The following SEC22A variants were observed in gnomAD, a reference collection of about 807,000 sequenced individuals.
SEC22A encodes the protein vesicle-trafficking protein SEC22a.
SEC22A carries 22 observed loss-of-function variants against 35.3 expected under a neutral mutation model. The observed-to-expected ratio is 0.62, with a 90% CI of 0.45 to 0.89. The LOEUF (loss-of-function observed/expected upper bound fraction) is 0.89, where lower values mean the gene tolerates loss of function less well. Among genes scored for constraint, SEC22A ranks in the 40% least tolerant of loss-of-function variants. The pLI is 0.00. For missense variants in SEC22A, 354 were observed against 362.5 expected (o/e 0.98, Z 0.19); for synonymous variants, 119 against 129.5 (o/e 0.92, Z 0.55).
rs562964362 is a variant in SEC22A at position 123,271,653 on chromosome 3, G to A, written c.855G>A (p.Val285=). ...GGCAGCTTTTCTTTCATGTGACTGT[G>A]GGAGCATTTGTTACACTACAGATCT... The part of the protein sequence containing the change: ...NLWQLFFHVT[V]GAFVTLQIWL... Residue 285 remains valine (V), a synonymous_variant, in exon 7 of 7, where the codon GTG becomes GTA. Transcript: ENST00000492595. 55 of 1,614,160 alleles carry A rather than the reference G, an allele frequency of 3.4e-5. No individual in the cohort carries two copies. In the South Asian group the frequency reaches 5.8e-4, roughly 17 times the overall value.
chr3:123,213,128 T>C, intron 2 of SEC22A, among the ~76,000 whole-genome samples: 1 of 152,234 alleles, frequency 6.6e-6, no homozygotes, highest in East Asian at 1.9e-4. Flanking sequence ...CATGTTTTTT[T>C]GTACCAAACC....
intron 2 of SEC22A, among the ~76,000 whole-genome samples, chr3:123,215,255 T>C (rs1937000867): frequency 6.6e-6 from 1 of 152,184 alleles, no homozygotes; most frequent in Admixed American, 6.5e-5. Flanking sequence ...ACAGATGTTA[T>C]CAGGAATCTT....
At chr3:123,238,030 T>G (rs1006348803) in intron 4 of SEC22A, among the ~76,000 whole-genome samples, 4 of 152,012 alleles carry the variant, frequency 2.6e-5, no homozygotes, top group African/African-American at 9.7e-5. Context: ...GGCACGTGAC[T>G]GTAGTCCCAG....
At chr3:123,253,198 C>T (rs559707377) in intron 5 of SEC22A, among the ~76,000 whole-genome samples, 2 of 152,276 alleles carry the variant, frequency 1.3e-5, no homozygotes, top group Non-Finnish European at 2.9e-5. Context: ...TGTGACCCTG[C>T]ATGGGTTATT....
chr3:123,221,498 T>G (rs867772602), intron 2 of SEC22A, among the ~76,000 whole-genome samples: 30 of 145,440 alleles, frequency 2.1e-4, no homozygotes, highest in African/African-American at 7.6e-4. Flanking sequence ...AAAAAAAGAT[T>G]ACTGTGTAGT....
chr3:123,251,711 A>T (rs1937616094), intron 5 of SEC22A, among the ~76,000 whole-genome samples: 1 of 151,796 alleles, frequency 6.6e-6, no homozygotes. Context: ...CTCTCACCTA[A>T]ATGAAAATCA....
chr3:123,268,163 G>A (rs953368028), intron 6 of SEC22A, among the ~76,000 whole-genome samples: 3 of 152,170 alleles, frequency 2.0e-5, no homozygotes, highest in African/African-American at 7.2e-5. Context: ...GTGGGTATGG[G>A]TGGGTCACAG....
chr3:123,246,677 A>T (rs1022911469), intron 5 of SEC22A, among the ~76,000 whole-genome samples: 2 of 151,680 alleles, frequency 1.3e-5, no homozygotes, highest in African/African-American at 2.4e-5. Flanking sequence ...ACTTTTTGAA[A>T]TTTTTTTTTA....
rs1938201408 is a variant in SEC22A, at chr3:123,272,771, T to C, written c.*1049T>C. The C allele has an allele frequency of 6.5e-6, 1 of 153,792 alleles. No homozygotes were observed. The highest frequency in any genetic ancestry group is 2.1e-4 in the South Asian group (1 of 4,834). 9.5% of individuals were successfully genotyped at this position (153,792 alleles called of 1,614,324 possible). On this transcript the variant is annotated 3_prime_UTR_variant, in exon 7 of 7. Transcript: ENST00000492595. ...TGACATTCTCACTGTGATTCAGCATTATTCTATGTTGTGCATCACTTAAAG... is the reference window on the plus strand; with the variant it reads ...TGACATTCTCACTGTGATTCAGCATCATTCTATGTTGTGCATCACTTAAAG...
chr3:123,253,722 AAAAAAAAG>A (rs1937653639), intron 5 of SEC22A, among the ~76,000 whole-genome samples: 1 of 151,432 alleles, frequency 6.6e-6, no homozygotes, highest in Admixed American at 6.6e-5. Context: ...CAAAAAAAAA[AAAAAAAAG>A]AAAGAAAGAA....
intron 6 of SEC22A, among the ~76,000 whole-genome samples, chr3:123,269,216 T>TGTGTGTGTGTATAC (rs1938099582): frequency 2.0e-5 from 1 of 49,884 alleles, no homozygotes; most frequent in Non-Finnish European, 5.0e-5. Flanking sequence ...TGTGTGTGTG[T>TGTGTGTGTGTATAC]ATATATTACT....
intron 2 of SEC22A, among the ~76,000 whole-genome samples, chr3:123,215,455 G>A (rs980214240): frequency 6.6e-6 from 1 of 152,150 alleles, no homozygotes; most frequent in African/African-American, 2.4e-5. Context: ...CAGAGGGGAT[G>A]AGGTACTCTT....
intron 4 of SEC22A, among the ~76,000 whole-genome samples, chr3:123,235,291 G>T (rs1382883452): frequency 6.6e-6 from 1 of 152,076 alleles, no homozygotes; most frequent in Non-Finnish European, 1.5e-5. Context: ...TGTCTGATGA[G>T]GAACTAGTAT....
intron 1 of SEC22A, 153 bp from the exon 2 acceptor site, chr3:123,209,046 G>A (rs1055330597): frequency 8.8e-5 from 49 of 555,054 alleles, no homozygotes; most frequent in African/African-American, 8.3e-4. Context: ...ACCCTCCTCA[G>A]CCACCCAAAG....
rs1232781622 is a variant in SEC22A, at chr3:123,269,213, G to GTA, written c.724-2308_724-2307insAT. Among the ~76,000 whole-genome samples, 80 of 81,038 alleles carry GTA rather than the reference G, an allele frequency of 9.9e-4. 1 individual carries two copies. The highest frequency in any genetic ancestry group is 2.4e-3 in the African/African-American group (64 of 27,046). 53.2% of individuals were successfully genotyped at this position (81,038 alleles called of 152,430 possible). A position where few individuals can be genotyped will look rare whatever the true frequency, so the allele number is the denominator to read the frequency against. ...TGTGTGTGTGTGTGTGTGTGTGTGT[G>GTA]TGTATATATTACTGGAAATGCTAGC... On this transcript the variant is annotated intron_variant, in intron 6 of 6. Coordinates refer to ENST00000492595, the MANE Select transcript of SEC22A (RefSeq NM_012430.5).
In SEC22A at chr3:123,274,078, G is replaced by A. The variant is rs1490896440; in HGVS notation, c.*2356G>A. The A allele has an allele frequency of 6.6e-6, 1 of 152,110 alleles. No individual in the cohort carries two copies. Among genetic ancestry groups the A allele is most frequent in the Non-Finnish European group, 1.5e-5 (1 of 68,010 alleles). 9.4% of individuals were successfully genotyped at this position (152,110 alleles called of 1,614,324 possible). On this transcript the variant is annotated 3_prime_UTR_variant, in exon 7 of 7. Coordinates refer to ENST00000492595, the MANE Select transcript of SEC22A (RefSeq NM_012430.5). ...TTTCACTGGCTATTTTGGATAAGAG[G>A]ATGTTTACATCTTAATGTAAAAAAA...
intron 6 of SEC22A, among the ~76,000 whole-genome samples, chr3:123,260,937 G>A (rs146350238): frequency 0.02 from 2,991 of 151,000 alleles, 53 homozygotes; most frequent in Non-Finnish European, 0.025. Flanking sequence ...CCAGGTTCAC[G>A]GCATTCTCCT....
chr3:123,271,773 A>G lies in SEC22A; in HGVS notation c.*51A>G. 1 of 1,427,316 alleles carries G rather than the reference A, an allele frequency of 7.0e-7. No homozygotes were observed. Among genetic ancestry groups the G allele is most frequent in the Non-Finnish European group, 9.9e-7 (1 of 1,015,138 alleles). The allele number at this position is 1,427,316 out of a possible 1,614,324, so 88.4% of individuals were successfully genotyped here. Reference sequence around the variant, plus strand: ...GGCTTCAGGGGGATAAGGAGGGAACATATCATAACTGCACTGTGATGAAGA... The same window carrying G: ...GGCTTCAGGGGGATAAGGAGGGAACGTATCATAACTGCACTGTGATGAAGA... On this transcript the variant is annotated 3_prime_UTR_variant, in exon 7 of 7. Transcript: ENST00000492595.
chr3:123,208,653 G>GA (rs1201520418), intron 1 of SEC22A: 3 of 152,810 alleles, frequency 2.0e-5, no homozygotes, highest in African/African-American at 7.3e-5. Flanking sequence ...CTGGATGGGG[G>GA]ATGTTGCAGT....
Sources: gnomAD v4.1 joint callset for allele counts (sites outside exome capture counted in the v4.1 genomes callset) on GRCh38, gnomAD v4.1.1 for gene constraint, MANE v1.5 for transcripts, NCBI Gene and HGNC (gene_info 2026-07-23, HGNC 2026-07-21) for gene names.